PLEKHH2: variants seen among roughly 807,000 people sequenced by gnomAD.
PLEKHH2 encodes the protein pleckstrin homology, MyTH4 and FERM domain containing H2, also known as pleckstrin homology domain-containing family H member 2.
PLEKHH2 carries 129 observed loss-of-function variants against 187.9 expected under a neutral mutation model. The ratio of observed to expected loss-of-function variants is 0.69; its 90% CI spans 0.59 to 0.79. PLEKHH2 has a LOEUF of 0.79. Ranked by LOEUF, PLEKHH2 falls within the 30% of genes least tolerant of loss-of-function variation. The pLI is 0.00. For synonymous variants in PLEKHH2, 686 were observed against 605.6 expected, an observed-to-expected ratio of 1.13 and a Z score of -1.95; for missense variants, 2,076 against 1,751.2, an observed-to-expected ratio of 1.19 and a Z score of -3.31.
chr2:43,640,215 T>C (rs78084556), intron 1 of PLEKHH2, among the ~76,000 whole-genome samples: 1 of 151,976 alleles, frequency 6.6e-6, no homozygotes, highest in South Asian at 2.1e-4. Flanking sequence ...TTTAAACTTT[T>C]TTTTTTTTTT....
intron 8 of PLEKHH2, 28 bp downstream of exon 8, chr2:43,700,636 A>G: frequency 6.4e-7 from 1 of 1,565,708 alleles, no homozygotes; most frequent in Middle Eastern, 1.7e-4. Flanking sequence ...TGTAACACAT[A>G]CGCAGTAGTT....
chr2:43,691,388 G>T (rs913006520), intron 3 of PLEKHH2, among the ~76,000 whole-genome samples: 1 of 152,206 alleles, frequency 6.6e-6, no homozygotes, highest in Non-Finnish European at 1.5e-5. Context: ...CGTGCTGATT[G>T]GCTTGTGAGT....
chr2:43,706,972 C>T (rs988246141), intron 10 of PLEKHH2, among the ~76,000 whole-genome samples: 7 of 151,902 alleles, frequency 4.6e-5, no homozygotes, highest in Admixed American at 3.9e-4. Context: ...CCGAGGCGGG[C>T]GGATCACGAG....
Position 43,745,951 on chromosome 2 carries a change from C to G in PLEKHH2, c.3641C>G (p.Thr1214Arg). ...GAAGGTACAAGGACTGTTCGTCTGA[C>G]ATACAAAAACAGGTGTGTAATACTG... is the stretch of plus-strand genomic sequence containing the variant. ...KCEGTRTVRL[T>R]YKNRLYFSVQ... The change falls in exon 24 of 30, where the codon ACA becomes AGA. Residue 1214 changes from threonine (T) to arginine (R), a missense_variant. Thr to Arg is a moderately conservative substitution (Grantham distance 71, BLOSUM62 -1). Coordinates refer to ENST00000282406, the MANE Select transcript of PLEKHH2 (RefSeq NM_172069.4). The G allele has an allele frequency of 6.2e-7, 1 of 1,606,638 alleles. No homozygotes were observed. The highest frequency in any genetic ancestry group is 8.5e-7 in the Non-Finnish European group (1 of 1,174,672).
intron 7 of PLEKHH2, among the ~76,000 whole-genome samples, chr2:43,698,729 T>G (rs1669215810): frequency 6.6e-6 from 1 of 152,208 alleles, no homozygotes. Flanking sequence ...ATTATGAAGG[T>G]CCTGTCTATG....
intron 23 of PLEKHH2, 41 bp downstream of exon 23, chr2:43,744,030 G>A: frequency 6.3e-7 from 1 of 1,589,520 alleles, no homozygotes; most frequent in Non-Finnish European, 8.6e-7. Context: ...CCAACGAACA[G>A]CAAAGAAGCT....
chr2:43,745,963 G>C lies in PLEKHH2; in HGVS notation c.3653G>C (p.Arg1218Thr). 1.3e-6 allele frequency: 2 copies of C among 1,597,846 alleles called. No homozygotes were observed. Among genetic ancestry groups the C allele is most frequent in the Non-Finnish European group, 1.7e-6 (2 of 1,167,032 alleles). Reference sequence around the variant, plus strand: ...ACTGTTCGTCTGACATACAAAAACAGGTGTGTAATACTGCATCCAGATGCC... The same window carrying C: ...ACTGTTCGTCTGACATACAAAAACACGTGTGTAATACTGCATCCAGATGCC... Reference protein sequence around the residue: ...TRTVRLTYKNRLYFSVQARGE... With the variant: ...TRTVRLTYKNTLYFSVQARGE... The change falls in exon 24 of 30, where the codon AGA becomes ACA. Residue 1218 changes from arginine to threonine, a missense_variant and splice_region_variant. Arg to Thr is a moderately conservative substitution (Grantham distance 71). Transcript: ENST00000282406.
Position 43,742,923 on chromosome 2 carries a change from G to A in PLEKHH2, c.3399+5G>A. The A allele has an allele frequency of 1.3e-6, 2 of 1,492,028 alleles. No homozygotes were observed. The highest frequency in any genetic ancestry group is 1.8e-6 in the Non-Finnish European group (2 of 1,118,418). 92.4% of individuals were successfully genotyped at this position (1,492,028 alleles called of 1,614,324 possible). A position where few individuals can be genotyped will look rare whatever the true frequency, so the allele number is the denominator to read the frequency against. On this transcript the variant is annotated splice_donor_5th_base_variant and intron_variant, in intron 22 of 29. Coordinates refer to ENST00000282406, the MANE Select transcript of PLEKHH2 (RefSeq NM_172069.4). ...TTCATGAATGGGATATACCAGGTAGGTTACCTGATGAAAATATGCTTAGCC... is the reference window on the plus strand; with the variant it reads ...TTCATGAATGGGATATACCAGGTAGATTACCTGATGAAAATATGCTTAGCC...
At chr2:43,639,814 G>T (rs2104310722) in intron 1 of PLEKHH2, among the ~76,000 whole-genome samples, 1 of 152,058 alleles carries the variant, frequency 6.6e-6, no homozygotes, top group East Asian at 1.9e-4. Context: ...GCACCACCAT[G>T]CCTGGCTAAT....
intron 4 of PLEKHH2, among the ~76,000 whole-genome samples, chr2:43,693,699 G>C (rs537989266): frequency 3.1e-5 from 4 of 128,806 alleles, no homozygotes; most frequent in Non-Finnish European, 6.2e-5. Flanking sequence ...ACTCCAGCCT[G>C]GGCGACTGAG....
Position 43,767,921 on chromosome 2 carries a change from T to G in PLEKHH2, c.*2323T>G, listed in dbSNP as rs952358977. 3.9e-5 allele frequency: 6 copies of G among 152,794 alleles called. No individual in the cohort carries two copies. The highest frequency in any genetic ancestry group is 1.9e-4 in the East Asian group (1 of 5,310). 9.5% of individuals were successfully genotyped at this position (152,794 alleles called of 1,614,324 possible). On this transcript the variant is annotated 3_prime_UTR_variant, in exon 30 of 30. Coordinates refer to ENST00000282406, the MANE Select transcript of PLEKHH2 (RefSeq NM_172069.4). The stretch of plus-strand genomic sequence containing the variant: ...TTACAAGAGAATAATGTTACATGTT[T>G]AATTGTAATATTTGTCTCCTATCAT...
intron 24 of PLEKHH2, among the ~76,000 whole-genome samples, chr2:43,751,632 C>A (rs1242161792): frequency 1.3e-5 from 2 of 152,154 alleles, no homozygotes; most frequent in Non-Finnish European, 2.9e-5. Context: ...TTTGGGAATA[C>A]CCCCGCGAGC....
At chr2:43,659,363 T>TC (rs1434238141) in intron 2 of PLEKHH2, among the ~76,000 whole-genome samples, 1 of 151,902 alleles carries the variant, frequency 6.6e-6, no homozygotes, top group African/African-American at 2.4e-5. Context: ...CTGTTTTTCT[T>TC]CTTTTTTTTT....
intron 3 of PLEKHH2, among the ~76,000 whole-genome samples, chr2:43,686,299 C>A (rs1001613290): frequency 6.6e-6 from 1 of 152,110 alleles, no homozygotes; most frequent in Non-Finnish European, 1.5e-5. Flanking sequence ...CGGGTTCAAG[C>A]ATTTCTCCTG....
chr2:43,706,342 T>G lies in PLEKHH2; in HGVS notation c.1747T>G (p.Tyr583Asp), dbSNP rs749596257. ...TTCAGATTCTGCTGCAACCCTTTCC[T>G]ATACTACATCAGGACTTTATACATC... ...VNKNSAATLSYTTSGLYTSLI... is the reference protein window; with the variant it reads ...VNKNSAATLSDTTSGLYTSLI... The change falls in exon 10 of 30, where the codon TAT becomes GAT. Residue 583 changes from tyrosine (Y) to aspartate (D), a missense_variant. By Grantham distance (160) the Tyr-to-Asp change is radical. Coordinates refer to ENST00000282406, the MANE Select transcript of PLEKHH2 (RefSeq NM_172069.4). The G allele has an allele frequency of 1.2e-6, 2 of 1,609,112 alleles. No homozygotes were observed. The highest frequency in any genetic ancestry group is 1.7e-6 in the Non-Finnish European group (2 of 1,175,922).
At position 43,738,525 on chromosome 2, in the gene PLEKHH2, A is replaced by T. The variant is rs1252594965; in HGVS notation, c.3123+5A>T. 2 of 1,596,326 alleles carry T rather than the reference A, an allele frequency of 1.3e-6. No individual in the cohort carries two copies. The highest frequency in any genetic ancestry group is 1.7e-6 in the Non-Finnish European group (2 of 1,168,458). ...AATCAACCAGGACCATTGCAGGTAG[A>T]TATTAATATTGATACATATACATGC... is the stretch of plus-strand genomic sequence containing the variant. On this transcript the variant is annotated splice_donor_5th_base_variant and intron_variant, in intron 20 of 29. Transcript: ENST00000282406.
rs1230981651 is a variant in PLEKHH2, at chr2:43,720,734, G to A, written c.2526G>A (p.Arg842=). 1 of 1,609,784 alleles carries A rather than the reference G, an allele frequency of 6.2e-7. No homozygotes were observed. The highest frequency in any genetic ancestry group is 1.1e-5 in the South Asian group (1 of 90,108). The change falls in exon 16 of 30, where the codon CGG becomes CGA. Residue 842 remains arginine (R), a synonymous_variant. Transcript: ENST00000282406. ...TLIGKTLYYF[R]SQEDKFPLGQ... ...TAGGAAAGACATTATATTATTTTCG[G>A]AGTCAAGAAGATAAGGTATGTATGT...
At chr2:43,708,498 T>A (rs113757175) in intron 11 of PLEKHH2, among the ~76,000 whole-genome samples, 95 of 152,344 alleles carry the variant, frequency 6.2e-4, no homozygotes, top group African/African-American at 2.0e-3. Context: ...GCTTTCTCAA[T>A]GAGGTCCACC....
intron 1 of PLEKHH2, among the ~76,000 whole-genome samples, chr2:43,639,863 G>A (rs1285457319): frequency 1.3e-5 from 2 of 151,928 alleles, no homozygotes; most frequent in African/African-American, 2.4e-5. Context: ...TGCCATGTTG[G>A]CCAGGCTTGT....
Sources: allele counts gnomAD v4.1 joint callset (sites outside exome capture counted in the v4.1 genomes callset), GRCh38; gene constraint gnomAD v4.1.1; transcripts MANE v1.5; gene names NCBI Gene and HGNC (gene_info 2026-07-23, HGNC 2026-07-21).